SCYL3: variants seen among roughly 807,000 people sequenced by gnomAD.
The protein encoded by SCYL3 is SCY1 like pseudokinase 3, also known as protein-associating with the carboxyl-terminal domain of ezrin.
Under a neutral mutation model 73.8 loss-of-function variants are expected in SCYL3, and 35 were observed. The observed-to-expected ratio is 0.47, with a 90% CI of 0.36 to 0.63. The LOEUF (loss-of-function observed/expected upper bound fraction) is 0.63. Among genes scored for constraint, SCYL3 ranks in the 20% least tolerant of loss-of-function variants. The probability of loss-of-function intolerance (pLI) is 0.00; values close to 1 mark genes in which losing one functional copy is unlikely to be tolerated. For missense variants in SCYL3, 712 were observed against 798.9 expected (o/e 0.89, Z 1.31); for synonymous variants, 277 against 295.2 (o/e 0.94, Z 0.63).
At chr1:169,863,074 G>A (rs533073251) in intron 9 of SCYL3, among the ~76,000 whole-genome samples, 12 of 151,996 alleles carry the variant, frequency 7.9e-5, no homozygotes, top group Admixed American at 5.9e-4. Context: ...CACCATGCCC[G>A]GCTAATTTTT....
chr1:169,859,427 A>T lies in SCYL3; in HGVS notation c.1141-215T>A, dbSNP rs12078640. Among the ~76,000 whole-genome samples the T allele has an allele frequency of 0.032, 4,921 of 152,296 alleles. 265 individuals are homozygous for T. Among genetic ancestry groups the T allele is most frequent in the African/African-American group, 0.11 (4,704 of 41,532 alleles). On this transcript the variant is annotated intron_variant, in intron 10 of 12. Transcript: ENST00000367771. ...CAGACTTACCATTTTTAAAAAATACAATCAAAACAAAATTAAAAAGACATA... is the reference window on the plus strand; with the variant it reads ...CAGACTTACCATTTTTAAAAAATACTATCAAAACAAAATTAAAAAGACATA...
At chr1:169,882,063 C>T (rs1661306496) in intron 2 of SCYL3, among the ~76,000 whole-genome samples, 2 of 152,212 alleles carry the variant, frequency 1.3e-5, no homozygotes, top group South Asian at 4.1e-4. Context: ...CCCTTCTGGG[C>T]TGGCCAAGGC....
intron 2 of SCYL3, among the ~76,000 whole-genome samples, chr1:169,883,696 G>A (rs1168398723): frequency 1.3e-5 from 2 of 150,282 alleles, no homozygotes; most frequent in African/African-American, 4.9e-5. Context: ...TTCTCAGTGG[G>A]TTGGTTTCTC....
chr1:169,854,283 G>A lies in SCYL3; in HGVS notation c.1994C>T (p.Ala665Val). 1 of 1,604,120 alleles carries A rather than the reference G, an allele frequency of 6.2e-7. No homozygotes were observed. The highest frequency in any genetic ancestry group is 8.5e-7 in the Non-Finnish European group (1 of 1,176,326). ...VMQFSSKFAAAEITEGEAEGW... is the reference protein window; with the variant it reads ...VMQFSSKFAAVEITEGEAEGW... ...AAAAGTACTCACCTCAGTAATTTCT[G>A]CTGCAGCAAATTTTGAGGAAAACTG... Residue 665 changes from alanine to valine, a missense_variant, in exon 12 of 13, where the codon GCA (alanine) becomes GTA (valine). Ala to Val is a moderately conservative substitution (Grantham distance 64). Transcript: ENST00000367771.
chr1:169,857,582 T>C (rs1032820478), intron 11 of SCYL3, among the ~76,000 whole-genome samples: 1 of 152,212 alleles, frequency 6.6e-6, no homozygotes, highest in Non-Finnish European at 1.5e-5. Flanking sequence ...AATAAAGAAA[T>C]CACTGAATGA....
At chr1:169,881,145 G>T (rs1457592997) in intron 2 of SCYL3, among the ~76,000 whole-genome samples, 1 of 152,194 alleles carries the variant, frequency 6.6e-6, no homozygotes, top group African/African-American at 2.4e-5. Context: ...TTTTCAATGT[G>T]TGTGAATGAA....
rs369846500 is a variant in SCYL3 at position 169,853,221 on chromosome 1, C to CAGAT, written c.*488_*491dup. 1.9e-4 allele frequency: 102 copies of CAGAT among 534,120 alleles called. No individual in the cohort carries two copies. Among genetic ancestry groups the CAGAT allele is most frequent in the Middle Eastern group, 1.5e-3 (3 of 2,024 alleles). The allele number at this position is 534,120 out of a possible 1,614,324, so 33.1% of individuals were successfully genotyped here. A position where few individuals can be genotyped will look rare whatever the true frequency, so the allele number is the denominator to read the frequency against. The stretch of plus-strand genomic sequence containing the variant: ...CTAGGTCCACAAAGAACCATTTACT[C>CAGAT]AGATAGTCTAACTGTAAACAAATAA... On this transcript the variant is annotated 3_prime_UTR_variant, in exon 13 of 13. Coordinates refer to ENST00000367771, the MANE Select transcript of SCYL3 (RefSeq NM_020423.7).
chr1:169,862,849 G>T, intron 9 of SCYL3, 52 bp from the exon 10 acceptor site: 1 of 1,569,312 alleles, frequency 6.4e-7, no homozygotes, highest in Non-Finnish European at 8.7e-7. Context: ...TCATTTCAGT[G>T]AAAAGTATTA....
chr1:169,862,902 G>C, intron 9 of SCYL3, 105 bp from the exon 10 acceptor site: 1 of 1,046,804 alleles, frequency 9.6e-7, no homozygotes, highest in Non-Finnish European at 1.4e-6. Flanking sequence ...CATATTCTAA[G>C]TACTCTTCTA....
chr1:169,882,031 C>T (rs1190453880), intron 2 of SCYL3, among the ~76,000 whole-genome samples: 1 of 152,240 alleles, frequency 6.6e-6, no homozygotes, highest in Non-Finnish European at 1.5e-5. Context: ...GCCCTTCAGC[C>T]CACCACAGCA....
chr1:169,883,396 T>C (rs779851707), intron 2 of SCYL3, among the ~76,000 whole-genome samples: 18 of 152,188 alleles, frequency 1.2e-4, no homozygotes, highest in Non-Finnish European at 2.4e-4. Context: ...TGACTTAACA[T>C]AATGTCCTCT....
rs2102126063 is a variant in SCYL3, at chr1:169,854,571, A to G, written c.1706T>C (p.Ile569Thr). Residue 569 changes from isoleucine (I) to threonine (T), a missense_variant, in exon 12 of 13, where the codon ATT becomes ACT. By Grantham distance (89) the Ile-to-Thr change is moderately conservative. Transcript: ENST00000367771. ...GTCATCCCCCCTTTGTACAAGGCTA[A>G]TCTTTTGGGGTAAGCTTGATTTCCA... is the stretch of plus-strand genomic sequence containing the variant. ...MPWKSSLPQKISLVQRGDDAD... is the reference protein window; with the variant it reads ...MPWKSSLPQKTSLVQRGDDAD... 1 of 1,613,834 alleles carries G rather than the reference A, an allele frequency of 6.2e-7. No homozygotes were observed. The highest frequency in any genetic ancestry group is 8.5e-7 in the Non-Finnish European group (1 of 1,179,902).
rs974699584 is a variant in SCYL3, at chr1:169,867,109, A to G, written c.738-136T>C. ...TTTGCCATTTAAAGATTCTATTACA[A>G]CTAAGTAGCTTATGAGACAAATACT... On this transcript the variant is annotated intron_variant, in intron 7 of 12. Transcript: ENST00000367771. 10 of 582,218 alleles carry G rather than the reference A, an allele frequency of 1.7e-5. No homozygotes were observed. The Admixed American group carries it at 3.6e-4, about 21-fold the overall frequency. The allele number at this position is 582,218 out of a possible 1,614,324, so 36.1% of individuals were successfully genotyped here.
chr1:169,890,695 G>C lies in SCYL3; in HGVS notation c.-50-1805C>G, dbSNP rs191924428. On this transcript the variant is annotated intron_variant, in intron 1 of 12. Coordinates refer to ENST00000367771, the MANE Select transcript of SCYL3 (RefSeq NM_020423.7). Reference sequence around the variant, plus strand: ...ATTTTCAAAATCTAAAAATGTTGCTGAGAATAAGAACTAAATCTGCTTTGT... The same window carrying C: ...ATTTTCAAAATCTAAAAATGTTGCTCAGAATAAGAACTAAATCTGCTTTGT... Among the ~76,000 whole-genome samples, 30 of 152,330 alleles carry C rather than the reference G, an allele frequency of 2.0e-4. 1 individual carries two copies. In the East Asian group the frequency reaches 4.6e-3, roughly 23 times the overall value.
intron 3 of SCYL3, 144 bp from the exon 4 acceptor site, chr1:169,876,235 T>C (rs1297002048): frequency 2.1e-6 from 1 of 478,788 alleles, no homozygotes; most frequent in Non-Finnish European, 3.6e-6. Flanking sequence ...TGACAAGCCT[T>C]CCCACTTGTG....
chr1:169,882,821 C>G (rs953042966), intron 2 of SCYL3, among the ~76,000 whole-genome samples: 7 of 152,136 alleles, frequency 4.6e-5, no homozygotes, highest in Non-Finnish European at 1.0e-4. Context: ...TTGTGTCTAG[C>G]TCAGGGATTG....
At position 169,878,734 on chromosome 1, in the gene SCYL3, C is replaced by T. The variant is rs761868456; in HGVS notation, c.251G>A (p.Arg84Gln). The stretch of plus-strand genomic sequence containing the variant: ...CAAAGCCACTTCCAGGGGCTGTACT[C>T]GCTCAGTGACAAGATGAATGCCATC... ...EADGIHLVTERVQPLEVALET... is the reference protein window; with the variant it reads ...EADGIHLVTEQVQPLEVALET... The change falls in exon 3 of 13, where the codon CGA becomes CAA. Residue 84 changes from arginine (R) to glutamine (Q), a missense_variant. Around this residue, in one of 2 missense-constraint regions of SCYL3, gnomAD observed 342 missense variants for 448.1 expected, o/e 0.76. Coordinates refer to ENST00000367771, the MANE Select transcript of SCYL3 (RefSeq NM_020423.7). 19 of 1,614,148 alleles carry T rather than the reference C, an allele frequency of 1.2e-5. No homozygotes were observed. The highest frequency in any genetic ancestry group is 1.1e-4 in the South Asian group (10 of 91,078).
chr1:169,861,752 T>C (rs776410755), intron 10 of SCYL3, among the ~76,000 whole-genome samples: 15 of 152,194 alleles, frequency 9.9e-5, no homozygotes, highest in Non-Finnish European at 1.9e-4. Context: ...TTGTAGTCTT[T>C]TAAAACAATT....
chr1:169,853,521 C>T lies in SCYL3; in HGVS notation c.*192G>A, dbSNP rs1488271702. The T allele has an allele frequency of 3.4e-6, 2 of 590,828 alleles. No homozygotes were observed. Among genetic ancestry groups the T allele is most frequent in the East Asian group, 5.7e-5 (2 of 35,232 alleles). The allele number at this position is 590,828 out of a possible 1,614,324, so 36.6% of individuals were successfully genotyped here. ...TCCTGGAAACCAGTACTGTGAGCCT[C>T]ACCACCCAGGGCTTTTAGCCAGCAC... On this transcript the variant is annotated 3_prime_UTR_variant, in exon 13 of 13. Coordinates refer to ENST00000367771, the MANE Select transcript of SCYL3 (RefSeq NM_020423.7).
Sources: allele counts gnomAD v4.1 joint callset (sites outside exome capture counted in the v4.1 genomes callset), GRCh38; gene constraint gnomAD v4.1.1; regional missense constraint gnomAD v4.1.1; transcripts MANE v1.5; gene names NCBI Gene and HGNC (gene_info 2026-07-23, HGNC 2026-07-21).